Variants in ZBTB1 observed in about 807,000 individuals in gnomAD.
ZBTB1 encodes zinc finger and BTB domain-containing protein 1.
In ZBTB1, 13 loss-of-function variants were observed where a neutral mutation model predicts 51.6. The ratio of observed to expected loss-of-function variants is 0.25; its 90% CI spans 0.16 to 0.40. The LOEUF (loss-of-function observed/expected upper bound fraction) is 0.40. Among genes scored for constraint, ZBTB1 ranks in the 10% least tolerant of loss-of-function variants. The pLI, the probability that ZBTB1 is intolerant of heterozygous loss-of-function variation, is 1.00. For synonymous variants in ZBTB1, 240 were observed against 282.2 expected (o/e 0.85, Z 1.50); for missense variants, 567 against 856.5 (o/e 0.66, Z 4.22).
chr14:64,506,173 C>T (rs1376409459), intron 1 of ZBTB1, among the ~76,000 whole-genome samples: 1 of 152,190 alleles, frequency 6.6e-6, no homozygotes, highest in Non-Finnish European at 1.5e-5. Context: ...TGCTGGATAT[C>T]TAATAAAGTC....
downstream of ZBTB1, among the ~76,000 whole-genome samples, chr14:64,528,293 A>G (rs186516335): frequency 7.6e-4 from 115 of 151,736 alleles, no homozygotes; most frequent in African/African-American, 2.7e-3. Flanking sequence ...TGGTATACCT[A>G]ATTTTAACTG....
At position 64,523,151 on chromosome 14, in the gene ZBTB1, G is replaced by T; in HGVS notation, c.1647G>T (p.Val549=). The change falls in exon 2 of 2, where the codon GTG becomes GTT. Residue 549 remains valine, a synonymous_variant. Transcript: ENST00000683701. This position sits in a 1 kb window ranked among gnomAD's most constrained non-coding sequence, Gnocchi z 4.5. ...CGQRFETENL[V]VEHMSSCLDQ... ...AGCGTTTTGAAACTGAAAATCTAGT[G>T]GTTGAACATATGTCTAGCTGCTTAG... 6.2e-7 allele frequency: 1 copy of T among 1,614,148 alleles called. No individual in the cohort carries two copies. The highest frequency in any genetic ancestry group is 8.5e-7 in the Non-Finnish European group (1 of 1,180,032).
chr14:64,513,129 T>C (rs2079742690), intron 1 of ZBTB1, among the ~76,000 whole-genome samples: 1 of 152,148 alleles, frequency 6.6e-6, no homozygotes, highest in Non-Finnish European at 1.5e-5. Flanking sequence ...ATGATACCTA[T>C]ATATGGATAC....
At chr14:64,520,963 G>T (rs192904413) in intron 1 of ZBTB1, among the ~76,000 whole-genome samples, 2 of 151,762 alleles carry the variant, frequency 1.3e-5, no homozygotes, top group East Asian at 3.9e-4. Flanking sequence ...TCGGGCTCAA[G>T]TGATCCACCC....
chr14:64,512,352 T>C (rs768120617), intron 1 of ZBTB1, among the ~76,000 whole-genome samples: 1 of 152,140 alleles, frequency 6.6e-6, no homozygotes, highest in Non-Finnish European at 1.5e-5. Context: ...GTGGGAAGAG[T>C]GTGCTAGGCA....
At chr14:64,513,016 A>G (rs764234923) in intron 1 of ZBTB1, among the ~76,000 whole-genome samples, 7 of 152,118 alleles carry the variant, frequency 4.6e-5, no homozygotes, top group Non-Finnish European at 1.0e-4. Flanking sequence ...TGCCTCTGTT[A>G]TTTAATCTTG....
downstream of ZBTB1, among the ~76,000 whole-genome samples, chr14:64,529,720 G>A (rs1437698423): frequency 6.6e-6 from 1 of 152,130 alleles, no homozygotes; most frequent in African/African-American, 2.4e-5. Context: ...GCAGTGAGCC[G>A]TGGTTGTGTC....
In ZBTB1 at chr14:64,504,785, C is replaced by G. The variant is rs550792234; in HGVS notation, c.-180C>G. On this transcript the variant is annotated 5_prime_UTR_variant, in exon 1 of 2. Transcript: ENST00000683701. The stretch of plus-strand genomic sequence containing the variant: ...GAAGTCCTTTGTTGCAGCACAGTCC[C>G]TGGCAGAGCCAGAGCCTCTCCGCGC... 1.3e-5 allele frequency: 5 copies of G among 381,780 alleles called. No individual in the cohort carries two copies. The highest frequency in any genetic ancestry group is 2.3e-5 in the Non-Finnish European group (5 of 215,248). The allele number at this position is 381,780 out of a possible 1,614,324, so 23.6% of individuals were successfully genotyped here.
chr14:64,512,410 A>G (rs2140104369), intron 1 of ZBTB1, among the ~76,000 whole-genome samples: 1 of 152,350 alleles, frequency 6.6e-6, no homozygotes. Context: ...TTGAGGCTTC[A>G]GTACAGTAGG....
downstream of ZBTB1, among the ~76,000 whole-genome samples, chr14:64,527,249 T>C (rs1055597903): frequency 6.0e-5 from 9 of 149,768 alleles, no homozygotes; most frequent in Non-Finnish European, 1.0e-4. Flanking sequence ...CCAAGGTGGG[T>C]GGATCACCTG....
chr14:64,526,485 A>G (rs975489574), downstream of ZBTB1, among the ~76,000 whole-genome samples: 67 of 152,194 alleles, frequency 4.4e-4, no homozygotes, highest in African/African-American at 1.5e-3. Context: ...GAATCTACAC[A>G]GATATATAGT....
chr14:64,529,095 C>T (rs112235748), downstream of ZBTB1, among the ~76,000 whole-genome samples: 3,778 of 152,230 alleles, frequency 0.025, 52 homozygotes, highest in Middle Eastern at 0.054. Context: ...GAAAACAAAA[C>T]TTTATTTAAA....
chr14:64,530,727 A>T (rs946694423), intron 2 of ZBTB1, among the ~76,000 whole-genome samples: 2 of 152,204 alleles, frequency 1.3e-5, no homozygotes, highest in African/African-American at 4.8e-5. Flanking sequence ...TATTCAGGAG[A>T]ACCAAATCAC....
upstream of ZBTB1, chr14:64,504,513 A>T (rs1329901817): frequency 3.0e-5 from 5 of 167,184 alleles, no homozygotes; most frequent in Non-Finnish European, 6.4e-5. Flanking sequence ...AGGGGTGGTC[A>T]AGCCGCCGCC....
chr14:64,516,866 GA>G (rs2079791924), intron 1 of ZBTB1: 1 of 152,176 alleles, frequency 6.6e-6, no homozygotes, highest in South Asian at 2.1e-4. Context: ...TTACTCAGTT[GA>G]ATTGTGACTA....
intron 2 of ZBTB1, among the ~76,000 whole-genome samples, chr14:64,531,215 C>CT (rs888171650): frequency 6.6e-6 from 1 of 151,806 alleles, no homozygotes; most frequent in Admixed American, 6.6e-5. Flanking sequence ...TATGAACCAT[C>CT]TTTTTTTTCA....
downstream of ZBTB1, among the ~76,000 whole-genome samples, chr14:64,528,344 C>CTTTTTTT (rs71123857): frequency 2.1e-4 from 24 of 115,528 alleles, no homozygotes; most frequent in African/African-American, 3.5e-4. Flanking sequence ...TTTTTCTTTT[C>CTTTTTTT]TTTTTTTTTT....
At chr14:64,525,234 TAAGTA>T (rs2079895276), downstream of ZBTB1, among the ~76,000 whole-genome samples, 1 of 152,148 alleles carries the variant, frequency 6.6e-6, no homozygotes, top group African/African-American at 2.4e-5. Context: ...GTTGAAGTGT[TAAGTA>T]AGGATAGGAA....
chr14:64,533,404 A>G (rs2079957894), exon 3 of ZBTB1: 1 of 152,558 alleles, frequency 6.6e-6, no homozygotes, highest in East Asian at 1.9e-4. Flanking sequence ...GAATATTACC[A>G]ATAATTAAAG....
Sources: gnomAD v4.1 joint callset for allele counts (sites outside exome capture counted in the v4.1 genomes callset) on GRCh38, gnomAD v4.1.1 for gene constraint, Gnocchi (gnomAD v3.1) non-coding constraint, MANE v1.5 for transcripts, NCBI Gene and HGNC (gene_info 2026-07-23, HGNC 2026-07-21) for gene names.